The following DAXX variants were observed in gnomAD, a reference collection of about 807,000 sequenced individuals.
DAXX encodes the protein death domain associated protein.
In DAXX, 24 loss-of-function variants were observed where a neutral mutation model predicts 61.9. The observed-to-expected ratio is 0.39, with a 90% CI of 0.28 to 0.55. The LOEUF is 0.55. DAXX is among the 20% of genes least tolerant of loss of function. DAXX has a pLI of 0.69. For synonymous variants in DAXX, 357 were observed against 369.5 expected, an observed-to-expected ratio of 0.97 and a Z score of 0.39; for missense variants, 819 against 935.3, an observed-to-expected ratio of 0.88 and a Z score of 1.62.
In DAXX at chr6:33,321,207, G is replaced by T; in HGVS notation, c.568C>A (p.Arg190Ser). 1 of 1,612,170 alleles carries T rather than the reference G, an allele frequency of 6.2e-7. No homozygotes were observed. Among genetic ancestry groups the T allele is most frequent in the Non-Finnish European group, 8.5e-7 (1 of 1,178,184 alleles). Residue 190 changes from arginine (R) to serine (S), a missense_variant, in exon 3 of 8, where the codon CGT (arginine) becomes AGT (serine). Coordinates refer to ENST00000374542, the MANE Select transcript of DAXX (RefSeq NM_001141969.2). The surrounding 1 kb of genome is among the most constrained non-coding windows in gnomAD (Gnocchi z 7.2). Reference protein sequence around the residue: ...RTRGSRRQIQRLEQLLALYVA... With the variant: ...RTRGSRRQIQSLEQLLALYVA... ...TAGAGCGCCAGCAGCTGCTCCAAAC[G>T]CTGGATCTGCCGCCGGGAACCACGG...
chr6:33,319,330 C>T, intron 6 of DAXX, 50 bp downstream of exon 6: 1 of 1,577,346 alleles, frequency 6.3e-7, no homozygotes. Context: ...CTCCGAAAGT[C>T]CCCTGCAATC....
intron 6 of DAXX, 51 bp from the exon 7 acceptor site, chr6:33,319,270 G>A (rs2150987924): frequency 6.4e-7 from 1 of 1,565,298 alleles, no homozygotes; most frequent in Non-Finnish European, 8.7e-7. Flanking sequence ...ACTGAGGCTG[G>A]AGGGGGGCAG....
At position 33,321,954 on chromosome 6, in the gene DAXX, G is replaced by A. The variant is rs80057060; in HGVS notation, c.-29C>T. ...GGATCAAATCCCCCGGAGGGAGGAA[G>A]TGGTGGGGATTTCAGAATTCCTGCT... On this transcript the variant is annotated 5_prime_UTR_variant, in exon 2 of 8. Coordinates refer to ENST00000374542, the MANE Select transcript of DAXX (RefSeq NM_001141969.2). The surrounding 1 kb of genome is among the most constrained non-coding windows in gnomAD (Gnocchi z 7.2). The A allele has an allele frequency of 2.2e-3, 3,565 of 1,590,948 alleles. 68 individuals carry two copies. Among genetic ancestry groups the A allele is most frequent in the South Asian group, 0.021 (1,892 of 90,338 alleles).
At chr6:33,322,137 G>A in intron 1 of DAXX, 160 bp from the exon 2 acceptor site, 1 of 463,020 alleles carries the variant, frequency 2.2e-6, no homozygotes, top group Non-Finnish European at 3.7e-6. Context: ...ATGCTTTTTG[G>A]GGCCCTTCAA....
rs143627563 is a variant in DAXX, at chr6:33,321,268, T to C, written c.507A>G (p.Thr169=). 1.6e-4 allele frequency: 262 copies of C among 1,613,372 alleles called. No individual in the cohort carries two copies. The highest frequency in any genetic ancestry group is 2.2e-4 in the Non-Finnish European group (254 of 1,179,446). Residue 169 remains threonine, a synonymous_variant, in exon 3 of 8, where the codon ACA becomes ACG. Coordinates refer to ENST00000374542, the MANE Select transcript of DAXX (RefSeq NM_001141969.2). This position sits in a 1 kb window ranked among gnomAD's most constrained non-coding sequence, Gnocchi z 7.2. Reference sequence around the variant, plus strand: ...ACTGAGAGGCAGTGTTTTCAGCATTTGTGGGGTCCAAGGAGAGGTGTGTGG... The same window carrying C: ...ACTGAGAGGCAGTGTTTTCAGCATTCGTGGGGTCCAAGGAGAGGTGTGTGG... ...NPPTHLSLDP[T]NAENTASQSP... is the part of the protein sequence containing the mutation.
In DAXX at chr6:33,321,554, C is replaced by A. The variant is rs1251843066; in HGVS notation, c.221G>T (p.Cys74Phe). 2 of 1,609,754 alleles carry A rather than the reference C, an allele frequency of 1.2e-6. No individual in the cohort carries two copies. The highest frequency in any genetic ancestry group is 2.2e-5 in the South Asian group (2 of 90,960). Residue 74 changes from cysteine to phenylalanine, a missense_variant, in exon 3 of 8, where the codon TGT (cysteine) becomes TTT (phenylalanine). By Grantham distance (205) the Cys-to-Phe change is radical. Transcript: ENST00000374542. The surrounding 1 kb of genome is among the most constrained non-coding windows in gnomAD (Gnocchi z 7.2). Reference sequence around the variant, plus strand: ...AGGGTGGTCTGCTGTCTGCATCTTACAAAGTTCAAGGAACTAGAAGGTTCA... The same window carrying A: ...AGGGTGGTCTGCTGTCTGCATCTTAAAAAGTTCAAGGAACTAGAAGGTTCA... ...EKLFEEFLEL[C>F]KMQTADHPEV...
Position 33,318,561 on chromosome 6 carries a change from A to T in DAXX, c.*182T>A, listed in dbSNP as rs1770117499. 4 of 431,636 alleles carry T rather than the reference A, an allele frequency of 9.3e-6. No homozygotes were observed. The highest frequency in any genetic ancestry group is 1.6e-5 in the Non-Finnish European group (4 of 244,460). The allele number at this position is 431,636 out of a possible 1,614,324, so 26.7% of individuals were successfully genotyped here. ...AAGGACAAGAAAAAGACAGTGATAC[A>T]GTAAGAAAAGAACTTTATTGTTTAT... is the stretch of plus-strand genomic sequence containing the variant. On this transcript the variant is annotated 3_prime_UTR_variant, in exon 8 of 8. Transcript: ENST00000374542.
rs1770811494 is a variant in DAXX, at chr6:33,322,881, G to A, written c.-72C>T. On this transcript the variant is annotated 5_prime_UTR_variant, in exon 1 of 8. Coordinates refer to ENST00000374542, the MANE Select transcript of DAXX (RefSeq NM_001141969.2). ...CCCCACCTCAGAAACCGTCTCTCGA[G>A]GCGACCCTCGCCGCAATTCTCAGAA... The A allele has an allele frequency of 1.4e-6, 2 of 1,436,908 alleles. No homozygotes were observed. The highest frequency in any genetic ancestry group is 2.8e-5 in the African/African-American group (2 of 70,708). 89.0% of individuals were successfully genotyped at this position (1,436,908 alleles called of 1,614,324 possible). A position where few individuals can be genotyped will look rare whatever the true frequency, so the allele number is the denominator to read the frequency against.
rs774538403 is a variant in DAXX at position 33,321,188 on chromosome 6, G to A, written c.587C>T (p.Ala196Val). 8.1e-6 allele frequency: 13 copies of A among 1,612,406 alleles called. No individual in the cohort carries two copies. The highest frequency in any genetic ancestry group is 1.3e-5 in the African/African-American group (1 of 74,876). ...RQIQRLEQLL[A>V]LYVAEIRRLQ... ...CCGCCGGATCTCTGCCACATAGAGC[G>A]CCAGCAGCTGCTCCAAACGCTGGAT... The change falls in exon 3 of 8, where the codon GCG becomes GTG. Residue 196 changes from alanine (A) to valine (V), a missense_variant. Transcript: ENST00000374542. The surrounding 1 kb of genome is among the most constrained non-coding windows in gnomAD (Gnocchi z 7.2).
In DAXX at chr6:33,321,918, G is replaced by A. The variant is rs1321306896; in HGVS notation, c.8C>T (p.Thr3Ile). The A allele has an allele frequency of 1.2e-6, 2 of 1,606,082 alleles. No homozygotes were observed. Among genetic ancestry groups the A allele is most frequent in the African/African-American group, 1.3e-5 (1 of 74,898 alleles). The change falls in exon 2 of 8, where the codon ACC becomes ATC. Residue 3 changes from threonine to isoleucine, a missense_variant. Transcript: ENST00000374542. The surrounding 1 kb of genome is among the most constrained non-coding windows in gnomAD (Gnocchi z 7.2). Reference sequence around the variant, plus strand: ...ATCCAGCACGATGATGCTGTTAGCGGTGGCCATAGGGGATCAAATCCCCCG... The same window carrying A: ...ATCCAGCACGATGATGCTGTTAGCGATGGCCATAGGGGATCAAATCCCCCG... MA[T>I]ANSIIVLDDD...
Position 33,320,308 on chromosome 6 carries a change from T to A in DAXX, c.1251+72A>T. ...TTTCCTTCTCATGCTCCCCCATCAG[T>A]CAACCTGGACTCCCTGGTGGCCAGT... On this transcript the variant is annotated intron_variant, in intron 4 of 7. Transcript: ENST00000374542. The surrounding 1 kb of genome is among the most constrained non-coding windows in gnomAD (Gnocchi z 7.1). 6.9e-7 allele frequency: 1 copy of A among 1,439,268 alleles called. No individual in the cohort carries two copies. The highest frequency in any genetic ancestry group is 1.7e-4 in the Middle Eastern group (1 of 5,720). 89.2% of individuals were successfully genotyped at this position (1,439,268 alleles called of 1,614,324 possible). A position where few individuals can be genotyped will look rare whatever the true frequency, so the allele number is the denominator to read the frequency against.
At chr6:33,322,154 T>TG (rs111442780) in intron 1 of DAXX, 177 bp from the exon 2 acceptor site, 25,434 of 319,568 alleles carry the variant, frequency 0.08, 1,836 homozygotes, top group African/African-American at 0.29. Context: ...TCAAGTGGTG[T>TG]GGGGGGGGGG....
In DAXX at chr6:33,319,583, A is replaced by G. The variant is rs2150988942; in HGVS notation, c.1737T>C (p.Pro579=). 6.2e-7 allele frequency: 1 copy of G among 1,614,148 alleles called. No homozygotes were observed. The change falls in exon 6 of 8, where the codon CCT becomes CCC. Residue 579 remains proline, a synonymous_variant. Coordinates refer to ENST00000374542, the MANE Select transcript of DAXX (RefSeq NM_001141969.2). ...AGGAAATGTCCGTCTCCACAGAGGA[A>G]GGGGTATCCAGGGGCAAAGCTTCAA... The part of the protein sequence containing the change: ...LEIEALPLDT[P]SSVETDISSS...
chr6:33,322,861 C>G lies in DAXX; in HGVS notation c.-53+1G>C, dbSNP rs111369765. ...TGATCCCCGCACCGTCCGGCCCCCA[C>G]CTCAGAAACCGTCTCTCGAGGCGAC... On this transcript the variant is annotated splice_donor_variant, in intron 1 of 7. Transcript: ENST00000374542. LOFTEE classifies it low-confidence loss of function (5UTR_SPLICE). The G allele has an allele frequency of 7.1e-7, 1 of 1,415,194 alleles. No individual in the cohort carries two copies. Among genetic ancestry groups the G allele is most frequent in the Non-Finnish European group, 9.6e-7 (1 of 1,041,966 alleles). The allele number at this position is 1,415,194 out of a possible 1,614,324, so 87.7% of individuals were successfully genotyped here.
intron 6 of DAXX, 55 bp from the exon 7 acceptor site, chr6:33,319,274 G>C: frequency 1.3e-6 from 2 of 1,563,366 alleles, no homozygotes; most frequent in Non-Finnish European, 1.7e-6. Context: ...AGGCTGGAGG[G>C]GGGCAGTCCA....
chr6:33,319,905 A>T, intron 5 of DAXX, 51 bp from the exon 6 acceptor site: 1 of 1,595,412 alleles, frequency 6.3e-7, no homozygotes, highest in Non-Finnish European at 8.5e-7. Flanking sequence ...GGGGGAAAAA[A>T]TACTGCTGAG....
Position 33,319,090 on chromosome 6 carries a change from G to A in DAXX, c.2070C>T (p.Ser690=), listed in dbSNP as rs1464099964. 6.2e-7 allele frequency: 1 copy of A among 1,614,060 alleles called. No homozygotes were observed. Among genetic ancestry groups the A allele is most frequent in the Non-Finnish European group, 8.5e-7 (1 of 1,180,060 alleles). The change falls in exon 7 of 8, where the codon AGC becomes AGT. Residue 690 remains serine, a synonymous_variant. Coordinates refer to ENST00000374542, the MANE Select transcript of DAXX (RefSeq NM_001141969.2). ...AGAGGGAGCTGGTCACCAGGCCATG[G>A]CTGGGAGAGTCCACCCTCGTGGAGG... ...ADSSTRVDSP[S]HGLVTSSLCI...
chr6:33,319,744 G>A lies in DAXX; in HGVS notation c.1576C>T (p.Arg526Cys), dbSNP rs773879056. Residue 526 changes from arginine (R) to cysteine (C), a missense_variant, in exon 6 of 8, where the codon CGC (arginine) becomes TGC (cysteine). By Grantham distance (180) the Arg-to-Cys change is radical. Coordinates refer to ENST00000374542, the MANE Select transcript of DAXX (RefSeq NM_001141969.2). ...GACAGTAACGATGGTGACACTATGC[G>A]TCCTTTGTTTTGCTGCTCCCCTGAA... ...RSSGEQQNKG[R>C]IVSPSLLSEE... 1.1e-5 allele frequency: 18 copies of A among 1,614,098 alleles called. No homozygotes were observed. Among genetic ancestry groups the A allele is most frequent in the East Asian group, 4.5e-5 (2 of 44,898 alleles).
intron 1 of DAXX, 45 bp from the exon 2 acceptor site, chr6:33,322,022 C>A: frequency 7.1e-7 from 1 of 1,409,524 alleles, no homozygotes; most frequent in South Asian, 1.4e-5. Context: ...CAGCATAGCC[C>A]CATCCCTTCA....
Sources: allele counts gnomAD v4.1 joint callset, GRCh38; gene constraint gnomAD v4.1.1; non-coding constraint Gnocchi (gnomAD v3.1); transcripts MANE v1.5; gene names NCBI Gene and HGNC (gene_info 2026-07-23, HGNC 2026-07-21).